Variants in DSE observed in about 807,000 individuals in gnomAD.
DSE encodes the protein dermatan-sulfate epimerase.
A neutral mutation model predicts 84.4 loss-of-function variants in DSE; 36 were observed. That is an observed-to-expected ratio of 0.43 (90% confidence interval 0.33 to 0.56). The LOEUF is 0.56. Among genes scored for constraint, DSE ranks in the 20% least tolerant of loss-of-function variants. The pLI, the probability that DSE is intolerant of heterozygous loss-of-function variation, is 0.06. For synonymous variants in DSE, 410 were observed against 430.1 expected (o/e 0.95, Z 0.58); for missense variants, 862 against 1,169.6 (o/e 0.74, Z 3.84).
intron 1 of DSE, among the ~76,000 whole-genome samples, chr6:116,398,257 A>T (rs1358275264): frequency 1.3e-5 from 2 of 151,766 alleles, no homozygotes; most frequent in East Asian, 3.9e-4. Context: ...ATTTTATTTT[A>T]TTTTTTTTAG....
intron 2 of DSE, chr6:116,279,343 A>T: frequency 6.2e-7 from 1 of 1,611,132 alleles, no homozygotes; most frequent in Non-Finnish European, 8.5e-7. Context: ...GGCTGCTGAG[A>T]CGGTGGCGCA....
At chr6:116,378,966 G>A (rs992912275) in intron 1 of DSE, among the ~76,000 whole-genome samples, 8 of 151,976 alleles carry the variant, frequency 5.3e-5, no homozygotes, top group Admixed American at 1.3e-4. Context: ...GGAAACTTCT[G>A]TCATACCATG....
intron 2 of DSE, among the ~76,000 whole-genome samples, chr6:116,264,797 G>A (rs956059829): frequency 3.9e-5 from 6 of 152,110 alleles, no homozygotes; most frequent in Non-Finnish European, 7.3e-5. Context: ...GGTGTAAGGT[G>A]GACTCAGCCA....
At chr6:116,341,329 AT>A (rs1165182428) in intron 2 of DSE, among the ~76,000 whole-genome samples, 1 of 151,852 alleles carries the variant, frequency 6.6e-6, no homozygotes, top group East Asian at 1.9e-4. Flanking sequence ...CGATGGGATA[AT>A]TTTTTTCGTG....
intron 1 of DSE, among the ~76,000 whole-genome samples, chr6:116,388,332 T>C (rs1780689866): frequency 6.6e-6 from 1 of 152,198 alleles, no homozygotes; most frequent in South Asian, 2.1e-4. Context: ...ATCTTCCCTC[T>C]CTTTTTGTTC....
chr6:116,254,244 T>C (rs1037594722), exon 1 of DSE: 23 of 697,202 alleles, frequency 3.3e-5, no homozygotes, highest in African/African-American at 3.0e-4. Flanking sequence ...ATTTCGTCAG[T>C]CTGGAAGGGG....
In DSE at chr6:116,440,225, C is replaced by G. The variant is rs1428218329; in HGVS notation, c.*2880C>G. The stretch of plus-strand genomic sequence containing the variant: ...AAGGTTATCAGAAAATATGTCTTAA[C>G]AGAATGTTTTGCATACTGAATAATT... On this transcript the variant is annotated 3_prime_UTR_variant, in exon 6 of 6. Coordinates refer to ENST00000644252, the MANE Select transcript of DSE (RefSeq NM_013352.4). 6.6e-6 allele frequency: 1 copy of G among 152,118 alleles called. No individual in the cohort carries two copies. Among genetic ancestry groups the G allele is most frequent in the Non-Finnish European group, 1.5e-5 (1 of 68,022 alleles). The allele number at this position is 152,118 out of a possible 1,614,324, so 9.4% of individuals were successfully genotyped here.
At chr6:116,362,195 C>CT (rs1778940047) in intron 2 of DSE, among the ~76,000 whole-genome samples, 1 of 152,224 alleles carries the variant, frequency 6.6e-6, no homozygotes, top group Non-Finnish European at 1.5e-5. Context: ...AATATACAGT[C>CT]TAAGTGTTAA....
chr6:116,435,027 A>G lies in DSE; in HGVS notation c.1119-560A>G, dbSNP rs73767769. Among the ~76,000 whole-genome samples, 283 of 152,300 alleles carry G rather than the reference A, an allele frequency of 1.9e-3. 2 individuals are homozygous for G. The highest frequency in any genetic ancestry group is 6.6e-3 in the African/African-American group (275 of 41,560). ...CAGTTTGCTGAAACTTCATCCATTT[A>G]TATTCTGAGATGTGGTGTTGGTGAT... On this transcript the variant is annotated intron_variant, in intron 5 of 5. Coordinates refer to ENST00000644252, the MANE Select transcript of DSE (RefSeq NM_013352.4).
At chr6:116,299,727 A>T (rs927963376) in intron 2 of DSE, among the ~76,000 whole-genome samples, 2 of 151,868 alleles carry the variant, frequency 1.3e-5, no homozygotes, top group African/African-American at 4.8e-5. Context: ...TACTATTCAC[A>T]ACTTTTTATT....
Position 116,279,799 on chromosome 6 carries a change from G to A in DSE, c.-54+20832G>A, listed in dbSNP as rs367623895. ...AATGATGCTGTGGGTTTGGAGGGGA[G>A]TGGTCCTCTTGACCCCATCCAGGCC... On this transcript the variant is annotated intron_variant, in intron 2 of 3. Transcript: ENST00000430252. The A allele has an allele frequency of 1.3e-4, 211 of 1,612,892 alleles. No individual in the cohort carries two copies. The highest frequency in any genetic ancestry group is 1.8e-4 in the Non-Finnish European group (209 of 1,180,056).
At chr6:116,404,067 A>G (rs767654233) in intron 2 of DSE, among the ~76,000 whole-genome samples, 13 of 152,190 alleles carry the variant, frequency 8.5e-5, no homozygotes, top group African/African-American at 1.2e-4. Context: ...TTGCATGTGT[A>G]GAAAAATGAA....
At chr6:116,370,453 G>C (rs1038407792), upstream of DSE, 1 of 987,612 alleles carries the variant, frequency 1.0e-6, no homozygotes, top group South Asian at 4.6e-5. Flanking sequence ...AAAAGAGGCA[G>C]TAACTATTCG....
chr6:116,429,667 G>GTTATTGTCAACTAAGTGCAACA, intron 3 of DSE, among the ~76,000 whole-genome samples: 1 of 86,866 alleles, frequency 1.2e-5, no homozygotes, highest in East Asian at 2.4e-4. Flanking sequence ...ATGAGGAGTT[G>GTTATTGTCAACTAAGTGCAACA]GCCGGGCGCG....
At chr6:116,415,466 A>T (rs1460162872) in intron 2 of DSE, among the ~76,000 whole-genome samples, 1 of 152,008 alleles carries the variant, frequency 6.6e-6, no homozygotes, top group Non-Finnish European at 1.5e-5. Flanking sequence ...TTCAATATGG[A>T]AACTTATCCC....
chr6:116,410,303 T>C (rs912129264), intron 2 of DSE, among the ~76,000 whole-genome samples: 2 of 152,124 alleles, frequency 1.3e-5, no homozygotes, highest in Non-Finnish European at 2.9e-5. Context: ...TTCCCTCCCT[T>C]CCCACAAAGA....
intron 2 of DSE, among the ~76,000 whole-genome samples, chr6:116,262,499 CCTCT>C (rs1231839530): frequency 6.6e-6 from 1 of 151,904 alleles, no homozygotes. Context: ...TTATTTGAAT[CCTCT>C]CTCTTTTTAT....
upstream of DSE, chr6:116,369,933 T>G (rs556523491): frequency 6.4e-5 from 82 of 1,289,328 alleles, no homozygotes; most frequent in South Asian, 8.0e-4. Flanking sequence ...AATGGGTAAG[T>G]ATCCTACAAA....
intron 2 of DSE, among the ~76,000 whole-genome samples, chr6:116,420,596 A>G (rs749481918): frequency 3.3e-5 from 5 of 152,226 alleles, no homozygotes; most frequent in Non-Finnish European, 7.3e-5. Context: ...AGAACTTGTA[A>G]AAAATAAATT....
Sources: gnomAD v4.1 joint callset for allele counts (sites outside exome capture counted in the v4.1 genomes callset) on GRCh38, gnomAD v4.1.1 for gene constraint, MANE v1.5 for transcripts, NCBI Gene and HGNC (gene_info 2026-07-23, HGNC 2026-07-21) for gene names.